Variants in UBR3 observed in about 807,000 individuals in gnomAD.
The protein encoded by UBR3 is E3 ubiquitin-protein ligase UBR3.
Under a neutral mutation model 243.2 loss-of-function variants are expected in UBR3, and 85 were observed. The ratio of observed to expected loss-of-function variants is 0.35; its 90% CI spans 0.29 to 0.42. The LOEUF is 0.42. Among genes scored for constraint, UBR3 ranks in the 10% least tolerant of loss-of-function variants. The probability of loss-of-function intolerance (pLI) is 1.00; values close to 1 mark genes in which losing one functional copy is unlikely to be tolerated. For missense variants in UBR3, 1,686 were observed against 2,300.8 expected (o/e 0.73, Z 5.47); for synonymous variants, 748 against 799.8 (o/e 0.94, Z 1.09).
At chr2:169,995,297 A>G (rs1397609326) in intron 26 of UBR3, among the ~76,000 whole-genome samples, 1 of 152,204 alleles carries the variant, frequency 6.6e-6, no homozygotes, top group East Asian at 1.9e-4. Context: ...TTAACCCATC[A>G]CCACTACTAC....
intron 32 of UBR3, among the ~76,000 whole-genome samples, chr2:170,041,774 T>C (rs1036800496): frequency 7.2e-5 from 11 of 152,206 alleles, no homozygotes; most frequent in Non-Finnish European, 1.3e-4. Context: ...TTATACAAAC[T>C]CCAGCTTGAT....
chr2:169,998,386 A>G (rs532430575), intron 26 of UBR3, among the ~76,000 whole-genome samples: 3 of 152,220 alleles, frequency 2.0e-5, no homozygotes, highest in Admixed American at 6.5e-5. Flanking sequence ...GTTGGATTAT[A>G]CTCTGTTGTG....
intron 30 of UBR3, among the ~76,000 whole-genome samples, chr2:170,018,088 G>A (rs2090296698): frequency 6.6e-6 from 1 of 152,150 alleles, no homozygotes; most frequent in Non-Finnish European, 1.5e-5. Flanking sequence ...CCCAAAGGAT[G>A]CAGAACTTTT....
chr2:169,830,495 A>C (rs954562249), intron 1 of UBR3, among the ~76,000 whole-genome samples: 2 of 152,192 alleles, frequency 1.3e-5, no homozygotes, highest in African/African-American at 4.8e-5. Flanking sequence ...AGAAGAGGAA[A>C]GTAGGGCAGA....
At position 169,942,788 on chromosome 2, in the gene UBR3, G is replaced by A. The variant is rs141435475; in HGVS notation, c.2805+154G>A. Among the ~76,000 whole-genome samples, 1,105 of 152,330 alleles carry A rather than the reference G, an allele frequency of 7.3e-3. 22 individuals are homozygous for A. Among genetic ancestry groups the A allele is most frequent in the African/African-American group, 0.025 (1,029 of 41,574 alleles). ...AGATATGTTATAATCACATGTATTT[G>A]AAATCCAAGTTGAACATAACAGAAT... On this transcript the variant is annotated intron_variant, in intron 20 of 38. Coordinates refer to ENST00000272793, the MANE Select transcript of UBR3 (RefSeq NM_172070.4).
chr2:169,869,149 A>G (rs1574083157), intron 1 of UBR3, among the ~76,000 whole-genome samples: 1 of 138,286 alleles, frequency 7.2e-6, no homozygotes, highest in African/African-American at 2.7e-5. Context: ...TGTGTGCTTT[A>G]CTCACATCAC....
At chr2:170,043,522 C>G (rs1395947596) in intron 32 of UBR3, among the ~76,000 whole-genome samples, 1 of 152,090 alleles carries the variant, frequency 6.6e-6, no homozygotes, top group Middle Eastern at 3.2e-3. Context: ...AGGAAATCAT[C>G]AATGTAAAAA....
intron 33 of UBR3, among the ~76,000 whole-genome samples, chr2:170,058,976 G>C (rs1012517801): frequency 6.6e-6 from 1 of 152,020 alleles, no homozygotes; most frequent in Admixed American, 6.6e-5. Flanking sequence ...TGCATCTCTC[G>C]ACCCTTGATC....
Position 170,001,244 on chromosome 2 carries a change from A to G in UBR3, c.3919-60A>G, listed in dbSNP as rs896008258. ...CAGAGGTTTATGTGGACATACTAAT[A>G]TTTAAATATGTTTGTACTTCTTTAA... On this transcript the variant is annotated intron_variant, in intron 26 of 38. Coordinates refer to ENST00000272793, the MANE Select transcript of UBR3 (RefSeq NM_172070.4). The G allele has an allele frequency of 2.5e-6, 3 of 1,218,294 alleles. No homozygotes were observed. The African/African-American group carries it at 4.6e-5, about 19-fold the overall frequency. 75.5% of individuals were successfully genotyped at this position (1,218,294 alleles called of 1,614,324 possible). A position where few individuals can be genotyped will look rare whatever the true frequency, so the allele number is the denominator to read the frequency against.
chr2:169,993,675 T>A (rs1252695693), intron 25 of UBR3, among the ~76,000 whole-genome samples: 1 of 152,184 alleles, frequency 6.6e-6, no homozygotes, highest in Non-Finnish European at 1.5e-5. Context: ...GCCAACTAAG[T>A]TTGATCCCTT....
chr2:170,041,975 C>A (rs1359301258), intron 32 of UBR3, among the ~76,000 whole-genome samples: 2 of 151,466 alleles, frequency 1.3e-5, no homozygotes, highest in Non-Finnish European at 2.9e-5. Context: ...TAAAACTTAC[C>A]ATTTAAACAA....
intron 32 of UBR3, among the ~76,000 whole-genome samples, chr2:170,053,351 T>A (rs1275293313): frequency 6.6e-6 from 1 of 152,274 alleles, no homozygotes; most frequent in Non-Finnish European, 1.5e-5. Context: ...GGGCACTGAG[T>A]CTCTAATGAG....
chr2:170,034,160 G>C (rs1230330741), intron 31 of UBR3, among the ~76,000 whole-genome samples: 1 of 151,808 alleles, frequency 6.6e-6, no homozygotes, highest in Non-Finnish European at 1.5e-5. Flanking sequence ...TGTTACAGCT[G>C]ATGAGCCTAT....
At chr2:170,042,594 C>T (rs2090994615) in intron 32 of UBR3, among the ~76,000 whole-genome samples, 1 of 145,548 alleles carries the variant, frequency 6.9e-6, no homozygotes, top group Non-Finnish European at 1.5e-5. Context: ...GAGGCTGAGG[C>T]ATGAGAACCA....
Position 169,928,962 on chromosome 2 carries a change from G to A in UBR3, c.2566+94G>A, listed in dbSNP as rs572115910. The A allele has an allele frequency of 3.0e-5, 34 of 1,117,442 alleles. No individual in the cohort carries two copies. In the East Asian group the frequency reaches 3.2e-4, roughly 10 times the overall value. The allele number at this position is 1,117,442 out of a possible 1,614,324, so 69.2% of individuals were successfully genotyped here. A position where few individuals can be genotyped will look rare whatever the true frequency, so the allele number is the denominator to read the frequency against. Reference sequence around the variant, plus strand: ...AAAAGAAAATGTTTACCTTTTATTCGTTCAAGCTTTGGTTTTCTTTTCTCC... The same window carrying A: ...AAAAGAAAATGTTTACCTTTTATTCATTCAAGCTTTGGTTTTCTTTTCTCC... On this transcript the variant is annotated intron_variant, in intron 18 of 38. Coordinates refer to ENST00000272793, the MANE Select transcript of UBR3 (RefSeq NM_172070.4).
chr2:169,908,916 C>T (rs1009811504), intron 10 of UBR3, among the ~76,000 whole-genome samples: 6 of 151,176 alleles, frequency 4.0e-5, no homozygotes, highest in South Asian at 4.2e-4. Flanking sequence ...CTCTGCCTCC[C>T]GGGTTCACGC....
At chr2:169,871,415 GAAAAAA>G (rs76600459) in intron 1 of UBR3, among the ~76,000 whole-genome samples, 1 of 125,112 alleles carries the variant, frequency 8.0e-6, no homozygotes, top group African/African-American at 2.9e-5. Context: ...GTCTTTAAGG[GAAAAAA>G]AAAAAAAAAC....
At chr2:169,905,935 G>A in intron 9 of UBR3, 96 bp from the exon 10 acceptor site, 1 of 1,326,536 alleles carries the variant, frequency 7.5e-7, no homozygotes, top group South Asian at 1.5e-5. Context: ...CTATTTGTGT[G>A]CATAAATGTG....
intron 6 of UBR3, among the ~76,000 whole-genome samples, chr2:169,892,044 A>G (rs960594090): frequency 9.2e-5 from 14 of 152,222 alleles, no homozygotes; most frequent in Non-Finnish European, 1.5e-5. Context: ...CTGTTGATTA[A>G]GTGTATCTTG....
Sources: allele counts gnomAD v4.1 joint callset (sites outside exome capture counted in the v4.1 genomes callset), GRCh38; gene constraint gnomAD v4.1.1; transcripts MANE v1.5; gene names NCBI Gene and HGNC (gene_info 2026-07-23, HGNC 2026-07-21).